The following DENND4C variants were observed in gnomAD, a reference collection of about 807,000 sequenced individuals.
DENND4C encodes the protein DENN domain-containing protein 4C.
In DENND4C, 108 loss-of-function variants were observed where a neutral mutation model predicts 203.0. The ratio of observed to expected loss-of-function variants is 0.53; its 90% CI spans 0.46 to 0.62. The LOEUF (loss-of-function observed/expected upper bound fraction) is 0.62, where lower values mean the gene tolerates loss of function less well. Ranked by LOEUF, DENND4C falls within the 20% of genes least tolerant of loss-of-function variation. The probability of loss-of-function intolerance (pLI) is 0.00; values close to 1 mark genes in which losing one functional copy is unlikely to be tolerated. For missense variants in DENND4C, 2,481 were observed against 2,301.2 expected (o/e 1.08, Z -1.60); for synonymous variants, 871 against 792.4 (o/e 1.10, Z -1.67).
intron 21 of DENND4C, 90 bp from the exon 22 acceptor site, chr9:19,342,543 A>T: frequency 7.4e-7 from 1 of 1,358,304 alleles, no homozygotes; most frequent in South Asian, 1.8e-5. Context: ...CTGTTGGAGA[A>T]AAATACATAC....
rs140899772 is a variant in DENND4C, at chr9:19,362,072, G to A, written c.5524+109G>A. ...GCGGACCACTTGAGGTCAGGAGTTG[G>A]AGACCAGGCTGGCCAACATGGTGAA... On this transcript the variant is annotated intron_variant, in intron 30 of 32. Coordinates refer to ENST00000434457, the MANE Select transcript of DENND4C (RefSeq NM_001330640.2). 2,899 of 598,602 alleles carry A rather than the reference G, an allele frequency of 4.8e-3. 73 individuals are homozygous for A. The African/African-American group carries it at 0.049, about 10-fold the overall frequency. The allele number at this position is 598,602 out of a possible 1,614,324, so 37.1% of individuals were successfully genotyped here.
intron 1 of DENND4C, among the ~76,000 whole-genome samples, chr9:19,235,798 G>C (rs1458668741): frequency 6.6e-6 from 1 of 151,862 alleles, no homozygotes; most frequent in Non-Finnish European, 1.5e-5. Flanking sequence ...TTTTAGTAGA[G>C]ATGGGGTTTC....
At chr9:19,279,855 A>T (rs10811161) in intron 2 of DENND4C, among the ~76,000 whole-genome samples, 73,965 of 151,524 alleles carry the variant, frequency 0.49, 18,806 homozygotes, top group South Asian at 0.65. Flanking sequence ...AAAAAAATCT[A>T]TTTTTAACAA....
chr9:19,255,070 G>T (rs1050981142), intron 1 of DENND4C, among the ~76,000 whole-genome samples: 1 of 152,026 alleles, frequency 6.6e-6, no homozygotes, highest in Non-Finnish European at 1.5e-5. Flanking sequence ...CTTGAACCCC[G>T]CTGGGGTGGA....
chr9:19,336,914 G>C, intron 20 of DENND4C, 82 bp downstream of exon 20: 1 of 1,340,016 alleles, frequency 7.5e-7, no homozygotes, highest in Non-Finnish European at 1.0e-6. Context: ...TTCCATTCTT[G>C]AGTTTGTGTG....
intron 24 of DENND4C, among the ~76,000 whole-genome samples, chr9:19,351,804 CT>C (rs1188205672): frequency 7.5e-6 from 1 of 132,718 alleles, no homozygotes; most frequent in Non-Finnish European, 1.5e-5. Flanking sequence ...GAGACTCCAT[CT>C]AAAAAAAAAA....
chr9:19,336,942 G>C (rs1820607715), intron 20 of DENND4C, 110 bp downstream of exon 20: 1 of 1,023,766 alleles, frequency 9.8e-7, no homozygotes, highest in Non-Finnish European at 1.4e-6. Context: ...TACTTTAAAA[G>C]TACTGTATGC....
chr9:19,335,253 G>A (rs1193025375), intron 18 of DENND4C, 148 bp downstream of exon 18: 2 of 401,970 alleles, frequency 5.0e-6, no homozygotes, highest in South Asian at 8.7e-5. Context: ...TTGACAAAAA[G>A]TATATATATT....
At chr9:19,288,833 T>G (rs1290078700) in intron 4 of DENND4C, among the ~76,000 whole-genome samples, 168 bp downstream of exon 4, 1 of 152,212 alleles carries the variant, frequency 6.6e-6, no homozygotes, top group Non-Finnish European at 1.5e-5. Flanking sequence ...TAAATACATA[T>G]ACAAGATATA....
intron 9 of DENND4C, 126 bp from the exon 10 acceptor site, chr9:19,305,226 G>A (rs1385796650): frequency 2.8e-6 from 2 of 722,022 alleles, no homozygotes; most frequent in African/African-American, 3.6e-5. Context: ...GTTTTGGAAT[G>A]AAGTTTAAGG....
intron 1 of DENND4C, among the ~76,000 whole-genome samples, chr9:19,247,449 A>ATAGCACC (rs1292127101): frequency 1.6e-4 from 24 of 152,184 alleles, no homozygotes; most frequent in African/African-American, 5.8e-4. Context: ...AGGCCGAAAT[A>ATAGCACC]CAGTGATGCA....
intron 2 of DENND4C, among the ~76,000 whole-genome samples, chr9:19,283,207 CA>C (rs545396518): frequency 2.6e-5 from 4 of 151,692 alleles, no homozygotes; most frequent in African/African-American, 7.3e-5. Flanking sequence ...AAATTTAAGA[CA>C]AAAAGACACA....
In DENND4C at chr9:19,336,025, A is replaced by G. The variant is rs566150406; in HGVS notation, c.2590-245A>G. Among the ~76,000 whole-genome samples the G allele has an allele frequency of 2.0e-5, 3 of 152,082 alleles. No individual in the cohort carries two copies. The South Asian group carries it at 6.3e-4, about 32-fold the overall frequency. Reference sequence around the variant, plus strand: ...GTTCTTTTGTCCACATCCTTAATCAACATCTTTTGTTTTTTTTGACAATAT... The same window carrying G: ...GTTCTTTTGTCCACATCCTTAATCAGCATCTTTTGTTTTTTTTGACAATAT... On this transcript the variant is annotated intron_variant, in intron 18 of 32. Transcript: ENST00000434457.
chr9:19,307,614 A>G (rs1446074534), intron 10 of DENND4C, among the ~76,000 whole-genome samples: 2 of 151,548 alleles, frequency 1.3e-5, no homozygotes, highest in African/African-American at 2.4e-5. Flanking sequence ...TACTAAAAAC[A>G]CAAAAATTAG....
At chr9:19,309,586 A>G (rs72700408) in intron 10 of DENND4C, among the ~76,000 whole-genome samples, 2,526 of 152,080 alleles carry the variant, frequency 0.017, 53 homozygotes, top group African/African-American at 0.053. Flanking sequence ...TTTTTTGGCA[A>G]TGTCCATGGT....
chr9:19,351,983 T>C, intron 24 of DENND4C, 90 bp from the exon 25 acceptor site: 1 of 1,018,988 alleles, frequency 9.8e-7, no homozygotes, highest in Non-Finnish European at 1.5e-6. Context: ...GCAGACTTTA[T>C]TCTGTGTCCC....
At chr9:19,281,337 A>G (rs974335096) in intron 2 of DENND4C, among the ~76,000 whole-genome samples, 5 of 152,100 alleles carry the variant, frequency 3.3e-5, no homozygotes, top group African/African-American at 1.2e-4. Context: ...CTCCAGATCA[A>G]ATAATTGTTA....
chr9:19,350,611 T>C, intron 23 of DENND4C, 91 bp from the exon 24 acceptor site: 1 of 1,076,982 alleles, frequency 9.3e-7, no homozygotes. Flanking sequence ...TTAAGGATTA[T>C]AGAGTTTAAT....
rs367818993 is a variant in DENND4C, at chr9:19,324,335, A to C, written c.1808-27A>C. 3.9e-6 allele frequency: 6 copies of C among 1,552,276 alleles called. No individual in the cohort carries two copies. The South Asian group carries it at 7.2e-5, about 19-fold the overall frequency. ...ATATCGAATTCCAGTTTAAAATTTG[A>C]ATTTAATTATATTTTGTTTTCCTCA... On this transcript the variant is annotated intron_variant, in intron 12 of 32. Transcript: ENST00000434457.
Sources: allele counts gnomAD v4.1 joint callset (sites outside exome capture counted in the v4.1 genomes callset), GRCh38; gene constraint gnomAD v4.1.1; transcripts MANE v1.5; gene names NCBI Gene and HGNC (gene_info 2026-07-23, HGNC 2026-07-21).